The following TBCD variants were observed in gnomAD, a reference collection of about 807,000 sequenced individuals.
TBCD encodes tubulin folding cofactor D.
Under a neutral mutation model 169.3 loss-of-function variants are expected in TBCD, and 105 were observed. That is an observed-to-expected ratio of 0.62 (90% CI 0.53 to 0.73). The LOEUF is 0.73. TBCD is among the 30% of genes least tolerant of loss of function. The probability of loss-of-function intolerance (pLI) is 0.00; values close to 1 mark genes in which losing one functional copy is unlikely to be tolerated. For missense variants in TBCD, 1,444 were observed against 1,600.1 expected (o/e 0.90, Z 1.66); for synonymous variants, 700 against 643.9 (o/e 1.09, Z -1.32).
chr17:82,797,088 G>T (rs1304626758), intron 7 of TBCD, among the ~76,000 whole-genome samples: 2 of 152,336 alleles, frequency 1.3e-5, no homozygotes, highest in Admixed American at 1.3e-4. Context: ...ATGAGGCTTG[G>T]ATATTTATGT....
intron 15 of TBCD, among the ~76,000 whole-genome samples, chr17:82,886,967 C>G (rs527563538): frequency 6.6e-6 from 1 of 151,682 alleles, no homozygotes; most frequent in Non-Finnish European, 1.5e-5. Flanking sequence ...CTGTGCCTGG[C>G]GGAGATTTAC....
chr17:82,797,988 T>G (rs2050230283), intron 8 of TBCD, among the ~76,000 whole-genome samples, 186 bp downstream of exon 8: 1 of 76,840 alleles, frequency 1.3e-5, no homozygotes, highest in Non-Finnish European at 2.4e-5. Context: ...TTTTTTTTTT[T>G]TTTTTTGAGA....
chr17:82,872,686 C>T (rs548189802), intron 14 of TBCD, among the ~76,000 whole-genome samples: 5 of 152,374 alleles, frequency 3.3e-5, no homozygotes, highest in South Asian at 4.1e-4. Context: ...AGTCACAGAA[C>T]GAGAAAACTT....
intron 7 of TBCD, among the ~76,000 whole-genome samples, chr17:82,792,876 C>T (rs145600778): frequency 5.3e-5 from 8 of 152,286 alleles, no homozygotes; most frequent in African/African-American, 9.6e-5. Context: ...CATCCTCCCC[C>T]CTCAGCCTCC....
intron 14 of TBCD, 144 bp downstream of exon 14, chr17:82,870,524 T>C (rs939796554): frequency 8.6e-7 from 1 of 1,157,086 alleles, no homozygotes; most frequent in Non-Finnish European, 1.2e-6. Context: ...AAGCCACCGC[T>C]TGGAGGTCAA....
intron 7 of TBCD, among the ~76,000 whole-genome samples, chr17:82,790,622 G>A (rs577343746): frequency 1.3e-5 from 2 of 152,302 alleles, no homozygotes; most frequent in East Asian, 3.9e-4. Flanking sequence ...CCAGCCCGTG[G>A]GACCCCTGTG....
chr17:82,921,502 T>C lies in TBCD; in HGVS notation c.2103T>C (p.Asp701=), dbSNP rs746266844. The change falls in exon 25 of 39, where the codon GAT becomes GAC. Residue 701 remains aspartate, a splice_region_variant and synonymous_variant. Transcript: ENST00000355528. ...KMPFRGDTVI[D]GWQWLINDTL... ...TACGCTAACTTGATTTTTTGACAGA[T>C]GGTTGGCAATGGCTGATAAATGACA... The C allele has an allele frequency of 3.1e-6, 5 of 1,613,916 alleles. No individual in the cohort carries two copies. The highest frequency in any genetic ancestry group is 1.3e-5 in the African/African-American group (1 of 74,948).
At chr17:82,857,891 G>A (rs976893361) in intron 13 of TBCD, among the ~76,000 whole-genome samples, 4 of 150,870 alleles carry the variant, frequency 2.7e-5, no homozygotes, top group Non-Finnish European at 4.4e-5. Context: ...CCACTAACTC[G>A]TCATCTAGCA....
At chr17:82,761,253 C>T (rs933671819) in intron 2 of TBCD, among the ~76,000 whole-genome samples, 1 of 152,242 alleles carries the variant, frequency 6.6e-6, no homozygotes, top group East Asian at 1.9e-4. Context: ...CGTGAGCCAC[C>T]GTGCCCGGCC....
chr17:82,854,925 C>T (rs2056120472), intron 13 of TBCD, among the ~76,000 whole-genome samples: 1 of 152,244 alleles, frequency 6.6e-6, no homozygotes, highest in South Asian at 2.1e-4. Context: ...ATTCATGAAG[C>T]TCTGTCCTTG....
chr17:82,942,043 A>T, intron 38 of TBCD: 1 of 298,920 alleles, frequency 3.3e-6, no homozygotes, highest in Non-Finnish European at 6.2e-6. Context: ...GGAGGAGGAG[A>T]ACCATGTCTA....
At chr17:82,821,907 T>C (rs568635589) in intron 13 of TBCD, among the ~76,000 whole-genome samples, 1 of 152,230 alleles carries the variant, frequency 6.6e-6, no homozygotes, top group African/African-American at 2.4e-5. Flanking sequence ...TCGAAAAAAT[T>C]TTAATAAACA....
intron 27 of TBCD, among the ~76,000 whole-genome samples, chr17:82,925,616 C>T (rs1160200808): frequency 6.6e-6 from 1 of 152,222 alleles, no homozygotes; most frequent in Non-Finnish European, 1.5e-5. Context: ...CCCTTCCCTC[C>T]CCATGGGATC....
At chr17:82,801,033 G>T (rs779937532) in intron 9 of TBCD, 37 bp downstream of exon 9, 1 of 1,569,748 alleles carries the variant, frequency 6.4e-7, no homozygotes, top group Non-Finnish European at 8.6e-7. Flanking sequence ...GGAGGGCCAC[G>T]GGGTGGGGAG....
At chr17:82,822,766 T>C (rs1255278579) in intron 13 of TBCD, among the ~76,000 whole-genome samples, 3 of 152,208 alleles carry the variant, frequency 2.0e-5, no homozygotes, top group East Asian at 1.9e-4. Flanking sequence ...ACGACTTTGC[T>C]GTTCTATTCA....
At chr17:82,907,900 C>T (rs2060360177) in intron 21 of TBCD, 79 bp downstream of exon 21, 11 of 1,458,844 alleles carry the variant, frequency 7.5e-6, no homozygotes, top group South Asian at 7.3e-5. Flanking sequence ...CCTCCCCAGG[C>T]AGGGTCTGCA....
At chr17:82,813,694 C>T (rs767577882) in intron 12 of TBCD, among the ~76,000 whole-genome samples, 1 of 152,214 alleles carries the variant, frequency 6.6e-6, no homozygotes, top group Non-Finnish European at 1.5e-5. Flanking sequence ...AGGTGTGAAG[C>T]ATCTTTCTCC....
At chr17:82,814,385 G>A (rs568597809) in intron 12 of TBCD, among the ~76,000 whole-genome samples, 12 of 152,220 alleles carry the variant, frequency 7.9e-5, no homozygotes, top group East Asian at 1.9e-4. Flanking sequence ...CGGCACAGAC[G>A]GGACGGTCTC....
intron 34 of TBCD, among the ~76,000 whole-genome samples, chr17:82,933,644 G>A (rs1041179663): frequency 6.6e-6 from 1 of 151,918 alleles, no homozygotes; most frequent in African/African-American, 2.4e-5. Context: ...TTGAGATGGA[G>A]TCTTGCTCTG....
Sources: gnomAD v4.1 joint callset for allele counts (sites outside exome capture counted in the v4.1 genomes callset) on GRCh38, gnomAD v4.1.1 for gene constraint, MANE v1.5 for transcripts, NCBI Gene and HGNC (gene_info 2026-07-23, HGNC 2026-07-21) for gene names.